The following ITGA8 variants were observed in gnomAD, a reference collection of about 807,000 sequenced individuals.
The protein encoded by ITGA8 is integrin subunit alpha 8.
In ITGA8, 91 loss-of-function variants were observed where a neutral mutation model predicts 142.3. The ratio of observed to expected loss-of-function variants is 0.64; its 90% CI spans 0.54 to 0.76. The LOEUF is 0.76. ITGA8 is among the 30% of genes least tolerant of loss of function. The probability of loss-of-function intolerance (pLI) is 0.00; values close to 1 mark genes in which losing one functional copy is unlikely to be tolerated. For synonymous variants in ITGA8, 505 were observed against 485.2 expected, an observed-to-expected ratio of 1.04 and a Z score of -0.54; for missense variants, 1,406 against 1,327.7, an observed-to-expected ratio of 1.06 and a Z score of -0.92.
In ITGA8 at chr10:15,519,346, G is replaced by C; in HGVS notation, c.3049C>G (p.Leu1017Val). ...SFSIPLWVII[L>V]AILLGLLVLA... ...ACCAACAATCCAAGAAGTATTGCTA[G>C]TATTATTACCCATAATGGGATTGAG... The change falls in exon 29 of 30, where the codon CTA (leucine) becomes GTA (valine). Residue 1017 changes from leucine to valine, a missense_variant. Coordinates refer to ENST00000378076, the MANE Select transcript of ITGA8 (RefSeq NM_003638.3). 6.2e-7 allele frequency: 1 copy of C among 1,613,502 alleles called. No individual in the cohort carries two copies. The highest frequency in any genetic ancestry group is 1.7e-4 in the Middle Eastern group (1 of 6,058).
intron 11 of ITGA8, among the ~76,000 whole-genome samples, chr10:15,652,954 C>T (rs1834116250): frequency 6.6e-6 from 1 of 152,226 alleles, no homozygotes; most frequent in South Asian, 2.1e-4. Context: ...CCCCATGGCT[C>T]ACAGGACGTT....
intron 28 of ITGA8, among the ~76,000 whole-genome samples, chr10:15,528,940 T>C (rs1450723920): frequency 6.6e-6 from 1 of 152,020 alleles, no homozygotes; most frequent in Non-Finnish European, 1.5e-5. Context: ...TCTATCTTTC[T>C]TCTCCCTTCC....
intron 23 of ITGA8, among the ~76,000 whole-genome samples, chr10:15,585,620 A>G (rs1270979798): frequency 6.6e-6 from 1 of 152,226 alleles, no homozygotes; most frequent in African/African-American, 2.4e-5. Context: ...AGCCAAATCC[A>G]TGATTGTTCT....
intron 25 of ITGA8, among the ~76,000 whole-genome samples, chr10:15,559,956 T>A (rs1300501586): frequency 1.3e-5 from 2 of 152,136 alleles, no homozygotes; most frequent in Non-Finnish European, 2.9e-5. Flanking sequence ...AACGTGCACA[T>A]CCTTCACAGG....
In ITGA8 at chr10:15,575,736, A is replaced by C. The variant is rs1026779755; in HGVS notation, c.2373-142T>G. On this transcript the variant is annotated intron_variant, in intron 23 of 29. Coordinates refer to ENST00000378076, the MANE Select transcript of ITGA8 (RefSeq NM_003638.3). Reference sequence around the variant, plus strand: ...TACTCCCTACAGGGAAAAATATTGAAAGTGATGTACAGTAGAATGACTACA... The same window carrying C: ...TACTCCCTACAGGGAAAAATATTGACAGTGATGTACAGTAGAATGACTACA... The C allele has an allele frequency of 1.9e-5, 12 of 637,750 alleles. No homozygotes were observed. In the African/African-American group the frequency reaches 2.2e-4, roughly 12 times the overall value. The allele number at this position is 637,750 out of a possible 1,614,324, so 39.5% of individuals were successfully genotyped here. A position where few individuals can be genotyped will look rare whatever the true frequency, so the allele number is the denominator to read the frequency against.
chr10:15,678,853 G>A (rs1396674123), intron 4 of ITGA8, 70 bp from the exon 5 acceptor site: 5 of 923,416 alleles, frequency 5.4e-6, no homozygotes, highest in South Asian at 1.6e-5. Flanking sequence ...AACCAATTCA[G>A]GATATTATGT....
intron 13 of ITGA8, among the ~76,000 whole-genome samples, chr10:15,619,293 A>G (rs1003672628): frequency 2.0e-5 from 3 of 152,058 alleles, no homozygotes; most frequent in African/African-American, 7.3e-5. Flanking sequence ...TACTTGTTAA[A>G]ATTTAAAAAA....
At chr10:15,611,813 A>C (rs2044893) in intron 15 of ITGA8, among the ~76,000 whole-genome samples, 102,684 of 151,566 alleles carry the variant, frequency 0.68, 36,314 homozygotes, top group South Asian at 0.86. Flanking sequence ...AAAAAAAAAA[A>C]AAAAAAACCA....
At chr10:15,694,555 TAG>T (rs1053314652) in intron 2 of ITGA8, among the ~76,000 whole-genome samples, 96 of 138,548 alleles carry the variant, frequency 6.9e-4, no homozygotes, top group South Asian at 6.5e-4. Flanking sequence ...TAATATATTA[TAG>T]AGTTATAATA....
chr10:15,624,338 T>A (rs2131627046), intron 13 of ITGA8, among the ~76,000 whole-genome samples: 1 of 152,348 alleles, frequency 6.6e-6, no homozygotes, highest in Admixed American at 6.5e-5. Flanking sequence ...CAAGTCAATC[T>A]TCATTGCTGA....
rs1832953166 is a variant in ITGA8 at position 15,515,739 on chromosome 10, CTACCTATAA to C, written c.*1410_*1418del. Reference sequence around the variant, plus strand: ...AAAAAAGGATACAAAATTGTGCAGACTACCTATAAATTTGGCTGGTCAATTTTACTTCAA... The same window carrying C: ...AAAAAAGGATACAAAATTGTGCAGACATTTGGCTGGTCAATTTTACTTCAA... On this transcript the variant is annotated 3_prime_UTR_variant, in exon 30 of 30. Transcript: ENST00000378076. 1 of 152,004 alleles carries C rather than the reference CTACCTATAA, an allele frequency of 6.6e-6. No individual in the cohort carries two copies. Among genetic ancestry groups the C allele is most frequent in the African/African-American group, 2.4e-5 (1 of 41,384 alleles). The allele number at this position is 152,004 out of a possible 1,614,324, so 9.4% of individuals were successfully genotyped here. A position where few individuals can be genotyped will look rare whatever the true frequency, so the allele number is the denominator to read the frequency against.
intron 21 of ITGA8, among the ~76,000 whole-genome samples, chr10:15,596,234 G>T (rs948867134): frequency 6.6e-6 from 1 of 152,032 alleles, no homozygotes; most frequent in African/African-American, 2.4e-5. Flanking sequence ...TTTATCCAAG[G>T]GCTTTTCACC....
Position 15,514,266 on chromosome 10 carries a change from T to G in ITGA8, c.*2892A>C, listed in dbSNP as rs1386864481. 2 of 102,248 alleles carry G rather than the reference T, an allele frequency of 2.0e-5. No homozygotes were observed. Among genetic ancestry groups the G allele is most frequent in the African/African-American group, 5.0e-5 (2 of 40,016 alleles). 6.3% of individuals were successfully genotyped at this position (102,248 alleles called of 1,614,324 possible). A position where few individuals can be genotyped will look rare whatever the true frequency, so the allele number is the denominator to read the frequency against. The stretch of plus-strand genomic sequence containing the variant: ...TGAAGGCAATCGGCAATGCTCTAAC[T>G]AGAAGCAGATAACGCTCAGTGTGTT... On this transcript the variant is annotated 3_prime_UTR_variant, in exon 30 of 30. Transcript: ENST00000378076.
chr10:15,537,971 C>CAA (rs781560418), intron 27 of ITGA8, among the ~76,000 whole-genome samples: 12 of 135,774 alleles, frequency 8.8e-5, no homozygotes, highest in African/African-American at 3.6e-4. Flanking sequence ...CAAAACAAAA[C>CAA]AAAAAAAAAA....
chr10:15,605,407 T>C (rs1363716966), intron 19 of ITGA8, among the ~76,000 whole-genome samples: 15 of 151,968 alleles, frequency 9.9e-5, no homozygotes, highest in Non-Finnish European at 5.9e-5. Flanking sequence ...TCTGAATCCT[T>C]TGTCTACTTG....
intron 25 of ITGA8, among the ~76,000 whole-genome samples, chr10:15,565,080 C>A (rs572897431): frequency 6.6e-5 from 10 of 152,274 alleles, no homozygotes; most frequent in Middle Eastern, 3.4e-3. Context: ...ATGTGCAAAC[C>A]TGAAGACCAT....
intron 25 of ITGA8, among the ~76,000 whole-genome samples, chr10:15,560,395 G>A (rs1163929229): frequency 6.6e-6 from 1 of 152,174 alleles, no homozygotes; most frequent in Non-Finnish European, 1.5e-5. Flanking sequence ...TTTAACAAAT[G>A]GATAATTATT....
intron 23 of ITGA8, among the ~76,000 whole-genome samples, chr10:15,581,126 G>A (rs893702185): frequency 9.9e-5 from 15 of 152,196 alleles, no homozygotes; most frequent in African/African-American, 2.7e-4. Flanking sequence ...TAGAGTAGGG[G>A]TTGTTAATAC....
intron 21 of ITGA8, chr10:15,596,596 A>G (rs1309863865): frequency 2.0e-5 from 3 of 152,400 alleles, no homozygotes; most frequent in Non-Finnish European, 4.4e-5. Context: ...AATACCCAAG[A>G]TCAACGCAAC....
Sources: allele counts gnomAD v4.1 joint callset (sites outside exome capture counted in the v4.1 genomes callset), GRCh38; gene constraint gnomAD v4.1.1; transcripts MANE v1.5; gene names NCBI Gene and HGNC (gene_info 2026-07-23, HGNC 2026-07-21).